The following NRXN1 variants were observed in gnomAD, a reference collection of about 807,000 sequenced individuals.
The protein encoded by NRXN1 is neurexin 1, also known as neurexin-1.
In NRXN1, 39 loss-of-function variants were observed where a neutral mutation model predicts 150.9. The ratio of observed to expected loss-of-function variants is 0.26; its 90% CI spans 0.20 to 0.34. The LOEUF is 0.34. NRXN1 is among the 10% of genes least tolerant of loss of function. NRXN1 has a pLI of 1.00. For missense variants in NRXN1, 1,815 were observed against 1,949.9 expected (o/e 0.93, Z 1.30); for synonymous variants, 924 against 757.0 (o/e 1.22, Z -3.62).
chr2:50,027,678 C>T (rs1356864698), intron 21 of NRXN1, among the ~76,000 whole-genome samples: 4 of 152,224 alleles, frequency 2.6e-5, no homozygotes, highest in African/African-American at 7.2e-5. Flanking sequence ...GTTATCCTCC[C>T]GCCTTGGCCT....
intron 5 of NRXN1, among the ~76,000 whole-genome samples, chr2:50,652,967 G>A (rs1276507657): frequency 6.6e-6 from 1 of 151,922 alleles, no homozygotes; most frequent in African/African-American, 2.4e-5. Flanking sequence ...TCTGACTGTT[G>A]TTTCTGTTTT....
intron 17 of NRXN1, among the ~76,000 whole-genome samples, chr2:50,293,899 C>A (rs1299127196): frequency 5.3e-5 from 8 of 152,278 alleles, no homozygotes; most frequent in South Asian, 2.1e-4. Context: ...TCTCACATTC[C>A]TATTTTTCAC....
At chr2:50,401,762 CA>C (rs1331855626) in intron 17 of NRXN1, among the ~76,000 whole-genome samples, 1 of 152,104 alleles carries the variant, frequency 6.6e-6, no homozygotes, top group African/African-American at 2.4e-5. Flanking sequence ...TTATTTTTTA[CA>C]AACAAAACAA....
chr2:50,453,366 G>A (rs1036012709), intron 17 of NRXN1, among the ~76,000 whole-genome samples: 1 of 152,142 alleles, frequency 6.6e-6, no homozygotes, highest in African/African-American at 2.4e-5. Flanking sequence ...CACCGTTTGG[G>A]AATGACTAAT....
At chr2:50,096,939 A>G (rs981548640) in intron 18 of NRXN1, among the ~76,000 whole-genome samples, 1 of 152,206 alleles carries the variant, frequency 6.6e-6, no homozygotes, top group Admixed American at 6.5e-5. Flanking sequence ...GGTGTAATCA[A>G]TATCTTGGGT....
chr2:49,942,137 C>G (rs781063825), intron 22 of NRXN1, among the ~76,000 whole-genome samples: 5 of 152,058 alleles, frequency 3.3e-5, no homozygotes, highest in Non-Finnish European at 5.9e-5. Flanking sequence ...GGCCAATGAG[C>G]TGGGAGAATG....
At position 51,027,663 on chromosome 2, in the gene NRXN1, A is replaced by T. The variant is rs766803760; in HGVS notation, c.611T>A (p.Leu204Gln). 1.1e-5 allele frequency: 17 copies of T among 1,602,614 alleles called. No homozygotes were observed. In the East Asian group the frequency reaches 2.9e-4, roughly 28 times the overall value. Residue 204 changes from leucine to glutamine, a missense_variant, in exon 2 of 23, where the codon CTG (leucine) becomes CAG (glutamine). Coordinates refer to ENST00000401669, the MANE Select transcript of NRXN1 (RefSeq NM_001330078.2). ...GCCGCTGTTGGGCGGCTCATCGTCCAGCTTCACCTCGCCGCTGTCCACGGG... is the reference window on the plus strand; with the variant it reads ...GCCGCTGTTGGGCGGCTCATCGTCCTGCTTCACCTCGCCGCTGTCCACGGG... ...VLPVDSGEVK[L>Q]DDEPPNSGGG...
intron 18 of NRXN1, among the ~76,000 whole-genome samples, chr2:50,181,272 A>G (rs1217585290): frequency 2.0e-5 from 3 of 151,980 alleles, no homozygotes; most frequent in East Asian, 3.9e-4. Flanking sequence ...CAATTAATTG[A>G]CAAATAAAAT....
intron 17 of NRXN1, among the ~76,000 whole-genome samples, chr2:50,329,391 T>G (rs1169713729): frequency 6.7e-6 from 1 of 149,768 alleles, no homozygotes; most frequent in African/African-American, 2.5e-5. Context: ...GGACTGAAAA[T>G]AATAATTGCA....
At chr2:50,420,123 G>A (rs1243646327) in intron 17 of NRXN1, among the ~76,000 whole-genome samples, 1 of 152,022 alleles carries the variant, frequency 6.6e-6, no homozygotes, top group African/African-American at 2.4e-5. Flanking sequence ...AGAGGGCATG[G>A]AACAGATTAA....
intron 5 of NRXN1, among the ~76,000 whole-genome samples, chr2:50,851,179 G>A (rs766380054): frequency 6.6e-6 from 1 of 152,090 alleles, no homozygotes; most frequent in Non-Finnish European, 1.5e-5. Flanking sequence ...AGTACACATT[G>A]TTTCCTGCCT....
chr2:50,835,267 T>C (rs111990179), intron 5 of NRXN1, among the ~76,000 whole-genome samples: 3 of 152,082 alleles, frequency 2.0e-5, no homozygotes, highest in Admixed American at 1.3e-4. Context: ...TAATATGATA[T>C]AAAAGAAAAT....
chr2:50,924,597 T>C (rs1020757976), intron 3 of NRXN1, among the ~76,000 whole-genome samples: 5 of 151,744 alleles, frequency 3.3e-5, no homozygotes, highest in Non-Finnish European at 5.9e-5. Flanking sequence ...CTTCAAAAGA[T>C]ATTAGGCCTG....
At chr2:50,042,639 C>A (rs1161381792) in intron 21 of NRXN1, among the ~76,000 whole-genome samples, 2 of 152,082 alleles carry the variant, frequency 1.3e-5, no homozygotes, top group Non-Finnish European at 2.9e-5. Context: ...TCAAAAACCA[C>A]TTACTAAGTG....
chr2:50,054,855 C>A, intron 20 of NRXN1, 100 bp downstream of exon 20: 1 of 744,850 alleles, frequency 1.3e-6, no homozygotes, highest in Non-Finnish European at 2.1e-6. Context: ...TTTAGTTTTA[C>A]GGAAAATTTA....
rs187244860 is a variant in NRXN1 at position 50,784,119 on chromosome 2, G to T, written c.832+137750C>A. On this transcript the variant is annotated intron_variant, in intron 5 of 22. Transcript: ENST00000401669. ...AGTATATGTGTGAATGTGTATGGGT[G>T]GGTATGTATGTGTGAGACAGATTGG... Among the ~76,000 whole-genome samples, 13 of 152,186 alleles carry T rather than the reference G, an allele frequency of 8.5e-5. No individual in the cohort carries two copies. In the East Asian group the frequency reaches 2.3e-3, roughly 27 times the overall value.
chr2:50,733,833 A>G (rs1401949882), intron 5 of NRXN1, among the ~76,000 whole-genome samples: 1 of 152,210 alleles, frequency 6.6e-6, no homozygotes, highest in Non-Finnish European at 1.5e-5. Flanking sequence ...ACTAGCAAAG[A>G]TTATAGTTTT....
chr2:50,423,661 A>G (rs1473227792), intron 17 of NRXN1, among the ~76,000 whole-genome samples: 3 of 152,138 alleles, frequency 2.0e-5, no homozygotes, highest in African/African-American at 7.2e-5. Context: ...TGAATAAGGC[A>G]GATAACCCAC....
chr2:50,056,308 TAAGCC>T (rs1366567630), intron 19 of NRXN1, among the ~76,000 whole-genome samples: 1 of 152,128 alleles, frequency 6.6e-6, no homozygotes, highest in Admixed American at 6.6e-5. Context: ...TTACCACTAA[TAAGCC>T]CAGCATAATA....
Sources: allele counts gnomAD v4.1 joint callset (sites outside exome capture counted in the v4.1 genomes callset), GRCh38; gene constraint gnomAD v4.1.1; transcripts MANE v1.5; gene names NCBI Gene and HGNC (gene_info 2026-07-23, HGNC 2026-07-21).